The following BEND6 variants were observed in gnomAD, a reference collection of about 807,000 sequenced individuals.
The protein encoded by BEND6 is BEN domain containing 6, also known as BEN domain-containing protein 6.
BEND6 carries 24 observed loss-of-function variants against 31.8 expected under a neutral mutation model. The ratio of observed to expected loss-of-function variants is 0.75; its 90% confidence interval spans 0.55 to 1.06. The LOEUF (loss-of-function observed/expected upper bound fraction) is 1.06. Ranked by LOEUF, BEND6 falls within the 50% of genes least tolerant of loss-of-function variation. The pLI, the probability that BEND6 is intolerant of heterozygous loss-of-function variation, is 0.00. For synonymous variants in BEND6, 109 were observed against 114.6 expected (o/e 0.95, Z 0.31); for missense variants, 294 against 327.4 (o/e 0.90, Z 0.79).
At chr6:56,981,539 ATGC>A (rs1309212390) in intron 1 of BEND6, among the ~76,000 whole-genome samples, 169 bp from the exon 2 acceptor site, 8 of 152,240 alleles carry the variant, frequency 5.3e-5, no homozygotes. Context: ...ATTATTTATG[ATGC>A]TGATGAAATT....
At chr6:57,025,008 G>A (rs1490538953) in intron 6 of BEND6, among the ~76,000 whole-genome samples, 1 of 152,094 alleles carries the variant, frequency 6.6e-6, no homozygotes, top group East Asian at 1.9e-4. Context: ...AGCCTCTAAT[G>A]AATTTTTCAG....
At chr6:57,023,850 T>C (rs1406135021) in intron 6 of BEND6, among the ~76,000 whole-genome samples, 1 of 152,240 alleles carries the variant, frequency 6.6e-6, no homozygotes, top group African/African-American at 2.4e-5. Flanking sequence ...TTGTAGCTTG[T>C]ATATTTTCTA....
chr6:56,979,661 T>C (rs554743795), intron 1 of BEND6, among the ~76,000 whole-genome samples: 16 of 152,350 alleles, frequency 1.1e-4, no homozygotes, highest in African/African-American at 3.6e-4. Flanking sequence ...AAATTTGGCT[T>C]ACAAAAAGTT....
intron 1 of BEND6, among the ~76,000 whole-genome samples, chr6:56,981,188 C>A (rs1361078616): frequency 1.3e-5 from 2 of 152,058 alleles, no homozygotes; most frequent in East Asian, 3.9e-4. Flanking sequence ...AGATTTTTCC[C>A]CCATTTCTTA....
At chr6:57,020,613 G>A (rs1186034967) in intron 6 of BEND6, among the ~76,000 whole-genome samples, 1 of 151,880 alleles carries the variant, frequency 6.6e-6, no homozygotes, top group Non-Finnish European at 1.5e-5. Flanking sequence ...TAGAGACGGG[G>A]GTTTCACCAT....
At chr6:56,957,211 A>G (rs771597200) in intron 1 of BEND6, among the ~76,000 whole-genome samples, 7 of 152,218 alleles carry the variant, frequency 4.6e-5, no homozygotes, top group Non-Finnish European at 7.3e-5. Flanking sequence ...ATAAGTTTCA[A>G]GTGCACACAA....
chr6:57,012,500 C>A (rs1216593730), intron 3 of BEND6, among the ~76,000 whole-genome samples: 2 of 152,100 alleles, frequency 1.3e-5, no homozygotes, highest in African/African-American at 4.8e-5. Context: ...TTTAAATGGG[C>A]GCACCCATTT....
intron 2 of BEND6, among the ~76,000 whole-genome samples, chr6:56,984,510 C>A (rs748706683): frequency 4.3e-4 from 66 of 152,286 alleles, no homozygotes; most frequent in Non-Finnish European, 7.4e-4. Context: ...TTGTTTTAAT[C>A]TGCTGATGCA....
intron 1 of BEND6, among the ~76,000 whole-genome samples, chr6:56,971,381 G>A (rs775223384): frequency 2.8e-4 from 43 of 152,248 alleles, no homozygotes; most frequent in Non-Finnish European, 5.0e-4. Flanking sequence ...TCTTTCGATG[G>A]ACATGGGTTG....
intron 1 of BEND6, 133 bp downstream of exon 1, chr6:56,955,593 C>T (rs1378286244): frequency 6.6e-6 from 1 of 152,210 alleles, no homozygotes; most frequent in Admixed American, 6.5e-5. Flanking sequence ...AGGAGCGCTC[C>T]GGGGTAGTAC....
intron 3 of BEND6, among the ~76,000 whole-genome samples, chr6:57,006,951 C>A (rs1827179805): frequency 6.6e-6 from 1 of 152,092 alleles, no homozygotes; most frequent in Non-Finnish European, 1.5e-5. Flanking sequence ...TGATTTTTGA[C>A]AAAACACCAA....
chr6:56,994,861 T>C (rs573917374), intron 3 of BEND6, among the ~76,000 whole-genome samples: 1 of 152,332 alleles, frequency 6.6e-6, no homozygotes, highest in East Asian at 1.9e-4. Context: ...TCACTTACTA[T>C]GACCAGTTTC....
chr6:57,019,414 C>G (rs1157756851), intron 6 of BEND6, among the ~76,000 whole-genome samples: 1 of 152,136 alleles, frequency 6.6e-6, no homozygotes, highest in Non-Finnish European at 1.5e-5. Context: ...TAAGGCCCAC[C>G]ACAGATATTC....
At chr6:56,960,270 A>G (rs1825242055) in intron 1 of BEND6, among the ~76,000 whole-genome samples, 4 of 150,450 alleles carry the variant, frequency 2.7e-5, no homozygotes, top group Admixed American at 6.6e-5. Context: ...AATATCGTTC[A>G]TTATTATTCC....
intron 3 of BEND6, among the ~76,000 whole-genome samples, chr6:56,996,733 A>G (rs897405785): frequency 7.2e-5 from 11 of 152,058 alleles, no homozygotes; most frequent in African/African-American, 2.7e-4. Flanking sequence ...TACACCCCAC[A>G]CTCAGTCCAT....
intron 1 of BEND6, among the ~76,000 whole-genome samples, chr6:56,964,732 A>G (rs1825408075): frequency 6.6e-6 from 1 of 152,168 alleles, no homozygotes; most frequent in Admixed American, 6.5e-5. Flanking sequence ...CTTGGCTTCA[A>G]GCAATCCTCC....
chr6:57,008,464 CCTGT>C, intron 3 of BEND6: 1 of 490,860 alleles, frequency 2.0e-6, no homozygotes, highest in Non-Finnish European at 3.6e-6. Flanking sequence ...GCTATGCAGA[CCTGT>C]CTGTGTGACT....
chr6:57,003,319 A>C (rs2127876629), intron 3 of BEND6, among the ~76,000 whole-genome samples: 1 of 152,236 alleles, frequency 6.6e-6, no homozygotes, highest in East Asian at 1.9e-4. Context: ...GGGCAACAAC[A>C]CAAGACCTTA....
chr6:57,016,888 T>C (rs1198878186), intron 4 of BEND6, among the ~76,000 whole-genome samples: 1 of 152,144 alleles, frequency 6.6e-6, no homozygotes, highest in African/African-American at 2.4e-5. Context: ...TTCTGCCTAC[T>C]ACATTTACGA....
Sources: gnomAD v4.1 joint callset for allele counts (sites outside exome capture counted in the v4.1 genomes callset) on GRCh38, gnomAD v4.1.1 for gene constraint, MANE v1.5 for transcripts, NCBI Gene and HGNC (gene_info 2026-07-23, HGNC 2026-07-21) for gene names.